Variants in ANTXR1 observed in about 807,000 individuals in gnomAD.
ANTXR1 encodes the protein anthrax toxin receptor 1.
In ANTXR1, 19 loss-of-function variants were observed where a neutral mutation model predicts 78.1. The ratio of observed to expected loss-of-function variants is 0.24; its 90% CI spans 0.17 to 0.36. ANTXR1 has a LOEUF of 0.36. Among genes scored for constraint, ANTXR1 ranks in the 10% least tolerant of loss-of-function variants. The pLI, the probability that ANTXR1 is intolerant of heterozygous loss-of-function variation, is 1.00. For missense variants in ANTXR1, 518 were observed against 718.6 expected (o/e 0.72, Z 3.19); for synonymous variants, 273 against 260.5 (o/e 1.05, Z -0.46).
intron 1 of ANTXR1, among the ~76,000 whole-genome samples, chr2:69,018,154 G>A (rs1464910025): frequency 6.6e-6 from 1 of 152,122 alleles, no homozygotes; most frequent in Non-Finnish European, 1.5e-5. Flanking sequence ...CAAAGCCACA[G>A]CCTGTCATTC....
In ANTXR1 at chr2:69,148,665, G is replaced by A. The variant is rs548431127; in HGVS notation, c.952-3504G>A. On this transcript the variant is annotated intron_variant, in intron 12 of 17. Transcript: ENST00000303714. Reference sequence around the variant, plus strand: ...CTGCTTGGCACACAGTAAATGCTCAGTGAATGTCCGCTGTGCTAACAACAA... The same window carrying A: ...CTGCTTGGCACACAGTAAATGCTCAATGAATGTCCGCTGTGCTAACAACAA... 2.8e-4 allele frequency among the ~76,000 whole-genome samples: 42 copies of A among 152,352 alleles called. No individual in the cohort carries two copies. The South Asian group carries it at 8.3e-3, about 30-fold the overall frequency.
rs930622091 is a variant in ANTXR1 at position 69,090,897 on chromosome 2, A to G, written c.681A>G (p.Glu227=). Residue 227 remains glutamate, a synonymous_variant, in exon 9 of 18, where the codon GAA becomes GAG. Transcript: ENST00000303714. ...CCTGCATCGAAATTCTAGCAGCTGA[A>G]CCATCCACCATATGTGCAGGAGGTA... The part of the protein sequence containing the change: ...KKSCIEILAA[E]PSTICAGESF... 28 of 1,613,158 alleles carry G rather than the reference A, an allele frequency of 1.7e-5. No homozygotes were observed. In the East Asian group the frequency reaches 6.2e-4, roughly 36 times the overall value.
chr2:69,134,281 A>G (rs938873060), intron 12 of ANTXR1, among the ~76,000 whole-genome samples: 1 of 152,226 alleles, frequency 6.6e-6, no homozygotes, highest in African/African-American at 2.4e-5. Flanking sequence ...CCTGGGGCAT[A>G]CTTAGCATAG....
chr2:69,013,743 A>G lies in ANTXR1; in HGVS notation c.152+92A>G. Reference sequence around the variant, plus strand: ...GGCTCGTTGGCAGGGTCGCCTGGGGACAGGAGCGCATCTCCAGGGCCACAG... The same window carrying G: ...GGCTCGTTGGCAGGGTCGCCTGGGGGCAGGAGCGCATCTCCAGGGCCACAG... On this transcript the variant is annotated intron_variant, in intron 1 of 17. Transcript: ENST00000303714. This position sits in a 1 kb window ranked among gnomAD's most constrained non-coding sequence, Gnocchi z 5.0. The G allele has an allele frequency of 6.5e-7, 1 of 1,544,208 alleles. No homozygotes were observed. Among genetic ancestry groups the G allele is most frequent in the Non-Finnish European group, 8.8e-7 (1 of 1,141,548 alleles).
rs576344809 is a variant in ANTXR1, at chr2:69,247,707, T to G, written c.*2222T>G. 7 of 152,636 alleles carry G rather than the reference T, an allele frequency of 4.6e-5. No homozygotes were observed. In the South Asian group the frequency reaches 1.5e-3, roughly 32 times the overall value. The allele number at this position is 152,636 out of a possible 1,614,324, so 9.5% of individuals were successfully genotyped here. A position where few individuals can be genotyped will look rare whatever the true frequency, so the allele number is the denominator to read the frequency against. ...AGACATTGAGCCCATCACAACTGTTTTGACTGCTGGCAGTCTAAAACAGTC... is the reference window on the plus strand; with the variant it reads ...AGACATTGAGCCCATCACAACTGTTGTGACTGCTGGCAGTCTAAAACAGTC... On this transcript the variant is annotated 3_prime_UTR_variant, in exon 18 of 18. Coordinates refer to ENST00000303714, the MANE Select transcript of ANTXR1 (RefSeq NM_032208.3).
chr2:69,110,581 G>A (rs982736524), intron 10 of ANTXR1, among the ~76,000 whole-genome samples: 17 of 152,238 alleles, frequency 1.1e-4, no homozygotes, highest in Admixed American at 9.2e-4. Context: ...AAAACAGGCC[G>A]GGCGCGGTGG....
At chr2:69,033,886 G>C (rs1167545348) in intron 1 of ANTXR1, among the ~76,000 whole-genome samples, 2 of 152,196 alleles carry the variant, frequency 1.3e-5, no homozygotes, top group Non-Finnish European at 2.9e-5. Flanking sequence ...GACTCTGGTT[G>C]TATGTGTGGC....
intron 1 of ANTXR1, among the ~76,000 whole-genome samples, chr2:69,022,475 T>C (rs531722285): frequency 6.6e-6 from 1 of 152,354 alleles, no homozygotes; most frequent in Non-Finnish European, 1.5e-5. Context: ...GAGCAGGGTA[T>C]GCCATTGATG....
chr2:69,212,715 G>A (rs1675073474), intron 17 of ANTXR1, among the ~76,000 whole-genome samples: 1 of 152,128 alleles, frequency 6.6e-6, no homozygotes. Context: ...GCAGTAGAGT[G>A]ATCACAGCTC....
At chr2:69,079,365 G>A (rs989236679) in intron 8 of ANTXR1, among the ~76,000 whole-genome samples, 1 of 152,112 alleles carries the variant, frequency 6.6e-6, no homozygotes, top group Non-Finnish European at 1.5e-5. Flanking sequence ...GAAGCTCAGA[G>A]GTGGATTATT....
In ANTXR1 at chr2:69,127,048, G is replaced by A. The variant is rs1031176564; in HGVS notation, c.951+2405G>A. Reference sequence around the variant, plus strand: ...CACCATGTGCTAGGTACCACTCTGGGTGCCTGGGTTATATCAGAGAATGCA... The same window carrying A: ...CACCATGTGCTAGGTACCACTCTGGATGCCTGGGTTATATCAGAGAATGCA... On this transcript the variant is annotated intron_variant, in intron 12 of 17. Coordinates refer to ENST00000303714, the MANE Select transcript of ANTXR1 (RefSeq NM_032208.3). 6.6e-5 allele frequency among the ~76,000 whole-genome samples: 10 copies of A among 152,276 alleles called. 1 individual carries two copies. The East Asian group carries it at 1.2e-3, about 18-fold the overall frequency.
chr2:69,096,640 A>G (rs577511823), intron 9 of ANTXR1, among the ~76,000 whole-genome samples: 1 of 152,236 alleles, frequency 6.6e-6, no homozygotes, highest in Non-Finnish European at 1.5e-5. Context: ...ATCTGCATAT[A>G]TATTCTTCTT....
rs1676068327 is a variant in ANTXR1, at chr2:69,248,514, G to A, written c.*3029G>A. 1 of 152,654 alleles carries A rather than the reference G, an allele frequency of 6.6e-6. No individual in the cohort carries two copies. Among genetic ancestry groups the A allele is most frequent in the Admixed American group, 6.5e-5 (1 of 15,282 alleles). The allele number at this position is 152,654 out of a possible 1,614,324, so 9.5% of individuals were successfully genotyped here. ...GCCAGCTCACAGTTTCTTGCCTGAA[G>A]CTTGGTGCACCCTCCAGTGAGACAC... On this transcript the variant is annotated 3_prime_UTR_variant, in exon 18 of 18. Transcript: ENST00000303714.
At chr2:69,023,772 A>G (rs1573777850) in intron 1 of ANTXR1, among the ~76,000 whole-genome samples, 1 of 152,298 alleles carries the variant, frequency 6.6e-6, no homozygotes, top group South Asian at 2.1e-4. Flanking sequence ...GAAATAATTT[A>G]ATTTTGGTTG....
intron 3 of ANTXR1, among the ~76,000 whole-genome samples, chr2:69,068,889 T>C (rs1018130644): frequency 1.3e-5 from 2 of 152,170 alleles, no homozygotes; most frequent in African/African-American, 4.8e-5. Flanking sequence ...TTTCAAGATA[T>C]GTTTGAAGTA....
At chr2:69,210,561 C>T (rs76353654) in intron 17 of ANTXR1, among the ~76,000 whole-genome samples, 1,828 of 152,292 alleles carry the variant, frequency 0.012, 40 homozygotes, top group East Asian at 0.097. Context: ...ATGCAGTCAT[C>T]GGCAAATGTA....
At chr2:69,083,669 A>G (rs1670961511) in intron 8 of ANTXR1, among the ~76,000 whole-genome samples, 1 of 151,820 alleles carries the variant, frequency 6.6e-6, no homozygotes. Context: ...CCAGAGTACC[A>G]TAGAGCTTTT....
rs1357115193 is a variant in ANTXR1, at chr2:69,082,410, G to A, written c.642+4922G>A. Among the ~76,000 whole-genome samples the A allele has an allele frequency of 2.0e-5, 3 of 149,002 alleles. No homozygotes were observed. In the Admixed American group the frequency reaches 2.0e-4, roughly 10 times the overall value. On this transcript the variant is annotated intron_variant, in intron 8 of 17. Transcript: ENST00000303714. ...AAGTCTGGATGGCTGGAAGATTGTAGCCCTTGAAGCCAGTAACACTGTAAA... is the reference window on the plus strand; with the variant it reads ...AAGTCTGGATGGCTGGAAGATTGTAACCCTTGAAGCCAGTAACACTGTAAA...
intron 8 of ANTXR1, among the ~76,000 whole-genome samples, chr2:69,083,102 T>C (rs1670946082): frequency 6.6e-6 from 1 of 152,140 alleles, no homozygotes; most frequent in African/African-American, 2.4e-5. Flanking sequence ...TGGGAAGCAA[T>C]GTAATCCCCT....
Sources: allele counts gnomAD v4.1 joint callset (sites outside exome capture counted in the v4.1 genomes callset), GRCh38; gene constraint gnomAD v4.1.1; non-coding constraint Gnocchi (gnomAD v3.1); transcripts MANE v1.5; gene names NCBI Gene and HGNC (gene_info 2026-07-23, HGNC 2026-07-21).